Variants in GUCY1A2 observed in about 807,000 individuals in gnomAD.
GUCY1A2 encodes guanylate cyclase soluble subunit alpha-2.
GUCY1A2 carries 27 observed loss-of-function variants against 63.5 expected under a neutral mutation model. The ratio of observed to expected loss-of-function variants is 0.43; its 90% CI spans 0.31 to 0.59. GUCY1A2 has a LOEUF of 0.59. GUCY1A2 is among the 20% of genes least tolerant of loss of function. The pLI is 0.11. For missense variants in GUCY1A2, 768 were observed against 913.3 expected, an observed-to-expected ratio of 0.84 and a Z score of 2.05; for synonymous variants, 364 against 343.5, an observed-to-expected ratio of 1.06 and a Z score of -0.66.
At chr11:106,850,572 T>C (rs1326154356) in intron 4 of GUCY1A2, among the ~76,000 whole-genome samples, 1 of 151,794 alleles carries the variant, frequency 6.6e-6, no homozygotes. Flanking sequence ...AATGTTTTTT[T>C]GGCACCCACA....
At chr11:106,879,903 T>C (rs566848736) in intron 4 of GUCY1A2, among the ~76,000 whole-genome samples, 39 of 152,256 alleles carry the variant, frequency 2.6e-4, no homozygotes, top group African/African-American at 8.7e-4. Context: ...TAGAGCTATA[T>C]GCTGTCATCA....
chr11:107,017,853 G>C lies in GUCY1A2; in HGVS notation c.203C>G (p.Ala68Gly), dbSNP rs1183984345. The C allele has an allele frequency of 8.0e-7, 1 of 1,255,370 alleles. No individual in the cohort carries two copies. Among genetic ancestry groups the C allele is most frequent in the South Asian group, 3.7e-5 (1 of 26,748 alleles). 77.8% of individuals were successfully genotyped at this position (1,255,370 alleles called of 1,614,324 possible). ...GGCCCCGGCAGTGGCAGCGGCGGCG[G>C]CGGCAGAAGCAGCCGGGGTCGGGGC... ...APAPTPAASA[A>G]AAAATAGARR... Residue 68 changes from alanine (A) to glycine (G), a missense_variant, in exon 1 of 8, where the codon GCC (alanine) becomes GGC (glycine). Physicochemically the swap from Ala to Gly is moderately conservative, Grantham distance 60. Around this residue, in one of 3 missense-constraint regions of GUCY1A2, gnomAD observed 496 missense variants for 486.9 expected, o/e 1.02. Coordinates refer to ENST00000526355, the MANE Select transcript of GUCY1A2 (RefSeq NM_000855.3).
chr11:106,810,891 C>A (rs1206378608), intron 4 of GUCY1A2, among the ~76,000 whole-genome samples: 1 of 151,986 alleles, frequency 6.6e-6, no homozygotes, highest in Admixed American at 6.6e-5. Flanking sequence ...TAAAATAATA[C>A]CCCTTTCAGA....
At chr11:106,883,030 C>T (rs764269170) in intron 4 of GUCY1A2, among the ~76,000 whole-genome samples, 12 of 151,958 alleles carry the variant, frequency 7.9e-5, no homozygotes, top group African/African-American at 1.5e-4. Context: ...CTTCTACATA[C>T]GAGCCTGTGT....
In GUCY1A2 at chr11:106,683,990, C is replaced by G. The variant is rs1285699636; in HGVS notation, c.*3559G>C. 3 of 195,994 alleles carry G rather than the reference C, an allele frequency of 1.5e-5. No homozygotes were observed. Among genetic ancestry groups the G allele is most frequent in the Non-Finnish European group, 3.2e-5 (3 of 94,346 alleles). The allele number at this position is 195,994 out of a possible 1,614,324, so 12.1% of individuals were successfully genotyped here. On this transcript the variant is annotated 3_prime_UTR_variant, in exon 8 of 8. Transcript: ENST00000526355. ...ATTTAATTTTGCTTTATTGCTGGAA[C>G]TCTTTGGAGGCATTTGCAAAATTAA...
chr11:106,677,803 A>G lies in GUCY1A2; in HGVS notation c.*9746T>C, dbSNP rs1565254143. 4.7e-6 allele frequency: 1 copy of G among 211,032 alleles called. No individual in the cohort carries two copies. Among genetic ancestry groups the G allele is most frequent in the Non-Finnish European group, 9.6e-6 (1 of 103,776 alleles). 13.1% of individuals were successfully genotyped at this position (211,032 alleles called of 1,614,324 possible). ...CTTTCCATCTTCTCTACTGGTATCCATTCCTTTCTCTAAGTTGCATTTCAT... is the reference window on the plus strand; with the variant it reads ...CTTTCCATCTTCTCTACTGGTATCCGTTCCTTTCTCTAAGTTGCATTTCAT... On this transcript the variant is annotated 3_prime_UTR_variant, in exon 8 of 8. Transcript: ENST00000526355.
chr11:106,786,439 G>A (rs1254244520), intron 5 of GUCY1A2, among the ~76,000 whole-genome samples: 1 of 152,138 alleles, frequency 6.6e-6, no homozygotes, highest in Non-Finnish European at 1.5e-5. Flanking sequence ...CCAAATGAAG[G>A]AAAATGGATT....
chr11:106,962,388 T>TA (rs5794509), intron 3 of GUCY1A2, among the ~76,000 whole-genome samples: 25 of 147,220 alleles, frequency 1.7e-4, no homozygotes, highest in Middle Eastern at 3.5e-3. Flanking sequence ...CATCTCCACT[T>TA]AAAAAAAAAA....
At chr11:106,742,800 C>T (rs1358986053) in intron 6 of GUCY1A2, among the ~76,000 whole-genome samples, 1 of 152,164 alleles carries the variant, frequency 6.6e-6, no homozygotes, top group African/African-American at 2.4e-5. Context: ...TTTACACTCC[C>T]ACCAACATTG....
At chr11:106,827,247 T>G (rs1206595753) in intron 4 of GUCY1A2, 1 of 1,547,902 alleles carries the variant, frequency 6.5e-7, no homozygotes, top group Non-Finnish European at 8.9e-7. Flanking sequence ...TTTTCCTTCC[T>G]TCAGTTGTAT....
chr11:106,930,551 A>G (rs1396353003), intron 4 of GUCY1A2, among the ~76,000 whole-genome samples: 3 of 152,228 alleles, frequency 2.0e-5, no homozygotes, highest in Non-Finnish European at 4.4e-5. Context: ...TTCTATCAGA[A>G]TTATAATAAT....
intron 4 of GUCY1A2, among the ~76,000 whole-genome samples, chr11:106,915,288 G>C (rs1457116436): frequency 6.6e-6 from 1 of 152,074 alleles, no homozygotes; most frequent in African/African-American, 2.4e-5. Flanking sequence ...TATAGCCTGT[G>C]GATCAAAGCA....
intron 7 of GUCY1A2, among the ~76,000 whole-genome samples, chr11:106,705,861 A>G (rs1054730032): frequency 1.1e-4 from 17 of 152,160 alleles, no homozygotes; most frequent in African/African-American, 4.1e-4. Context: ...CTCGTCTCAA[A>G]AAAAAGAAGG....
At chr11:106,995,506 A>T (rs1270707474) in intron 1 of GUCY1A2, among the ~76,000 whole-genome samples, 4 of 152,020 alleles carry the variant, frequency 2.6e-5, no homozygotes, top group African/African-American at 9.7e-5. Context: ...AAAGGGATTA[A>T]CTCCTGGCTA....
At chr11:106,856,137 A>C (rs1859431140) in intron 4 of GUCY1A2, among the ~76,000 whole-genome samples, 1 of 151,454 alleles carries the variant, frequency 6.6e-6, no homozygotes, top group Non-Finnish European at 1.5e-5. Context: ...TAAAACTACA[A>C]AAATTAGCCA....
chr11:106,772,515 G>C (rs1000624919), intron 6 of GUCY1A2, among the ~76,000 whole-genome samples: 1 of 152,110 alleles, frequency 6.6e-6, no homozygotes, highest in African/African-American at 2.4e-5. Context: ...TAGTAAGGAA[G>C]CTAAAATTAC....
rs1173023904 is a variant in GUCY1A2 at position 106,853,681 on chromosome 11, A to G, written c.1207-43203T>C. 2.0e-5 allele frequency among the ~76,000 whole-genome samples: 3 copies of G among 152,090 alleles called. No individual in the cohort carries two copies. In the East Asian group the frequency reaches 5.8e-4, roughly 29 times the overall value. ...CTGCAGGATCTGTCACTGAAAAAGTATGTTCCTTTGTAAGTGTCATGTTTC... is the reference window on the plus strand; with the variant it reads ...CTGCAGGATCTGTCACTGAAAAAGTGTGTTCCTTTGTAAGTGTCATGTTTC... On this transcript the variant is annotated intron_variant, in intron 4 of 7. Transcript: ENST00000526355.
At chr11:106,866,980 T>C (rs1014864316) in intron 4 of GUCY1A2, among the ~76,000 whole-genome samples, 2 of 152,002 alleles carry the variant, frequency 1.3e-5, no homozygotes, top group Non-Finnish European at 2.9e-5. Context: ...AGGTACTGCT[T>C]TCCCCTAAGT....
At chr11:106,773,717 T>C (rs1411380449) in intron 6 of GUCY1A2, among the ~76,000 whole-genome samples, 1 of 152,182 alleles carries the variant, frequency 6.6e-6, no homozygotes, top group Non-Finnish European at 1.5e-5. Context: ...TAGGGAGAAA[T>C]GCTTATGATA....
Sources: allele counts gnomAD v4.1 joint callset (sites outside exome capture counted in the v4.1 genomes callset), GRCh38; gene constraint gnomAD v4.1.1; regional missense constraint gnomAD v4.1.1; transcripts MANE v1.5; gene names NCBI Gene and HGNC (gene_info 2026-07-23, HGNC 2026-07-21).